COL27A1: variants seen among roughly 807,000 people sequenced by gnomAD.
COL27A1 encodes the protein collagen alpha-1(XXVII) chain.
In COL27A1, 106 loss-of-function variants were observed where a neutral mutation model predicts 251.3. The ratio of observed to expected loss-of-function variants is 0.42; its 90% CI spans 0.36 to 0.50. The LOEUF is 0.50. Among genes scored for constraint, COL27A1 ranks in the 20% least tolerant of loss-of-function variants. The pLI, the probability that COL27A1 is intolerant of heterozygous loss-of-function variation, is 0.00. For missense variants in COL27A1, 2,325 were observed against 2,522.8 expected (o/e 0.92, Z 1.68); for synonymous variants, 1,000 against 986.3 (o/e 1.01, Z -0.26).
intron 58 of COL27A1, among the ~76,000 whole-genome samples, 156 bp downstream of exon 58, chr9:114,306,844 C>T (rs988599792): frequency 6.6e-6 from 1 of 152,210 alleles, no homozygotes; most frequent in Admixed American, 6.5e-5. Context: ...CAGAGCCTCA[C>T]AATATACCAA....
intron 4 of COL27A1, among the ~76,000 whole-genome samples, chr9:114,182,072 C>T (rs573399510): frequency 1.3e-5 from 2 of 152,078 alleles, no homozygotes; most frequent in South Asian, 4.2e-4. Flanking sequence ...GCTGCCGTGG[C>T]TCACGCCTGT....
chr9:114,239,327 G>C (rs1168409970), intron 19 of COL27A1, among the ~76,000 whole-genome samples: 2 of 152,222 alleles, frequency 1.3e-5, no homozygotes, highest in Non-Finnish European at 2.9e-5. Context: ...AAATCATTTT[G>C]GATGCAGATT....
chr9:114,231,508 G>A (rs1295546856), intron 15 of COL27A1, among the ~76,000 whole-genome samples: 3 of 152,178 alleles, frequency 2.0e-5, no homozygotes, highest in Non-Finnish European at 4.4e-5. Flanking sequence ...GGCCAAGACT[G>A]CTAGAGCACA....
intron 5 of COL27A1, among the ~76,000 whole-genome samples, chr9:114,187,538 C>A (rs1338676619): frequency 6.6e-6 from 1 of 152,240 alleles, no homozygotes; most frequent in Non-Finnish European, 1.5e-5. Flanking sequence ...TAGTAAGTGG[C>A]AGAGCACGCA....
intron 3 of COL27A1, 59 bp downstream of exon 3, chr9:114,169,522 G>C: frequency 7.4e-7 from 1 of 1,353,042 alleles, no homozygotes; most frequent in South Asian, 1.4e-5. Context: ...TGGGGCATTG[G>C]TCAAGTGGTT....
rs1832331637 is a variant in COL27A1, at chr9:114,235,642, A to G, written c.2609A>G (p.Gln870Arg). Residue 870 changes from glutamine (Q) to arginine (R), a missense_variant, in exon 17 of 61, where the codon CAA (glutamine) becomes CGA (arginine). Gln to Arg is a conservative substitution (Grantham distance 43). Coordinates refer to ENST00000356083, the MANE Select transcript of COL27A1 (RefSeq NM_032888.4). Reference sequence around the variant, plus strand: ...GGTGTGTCAGGAGATCCCGGATTCCAAGGAGACAAGGTAATTGCATGAGAT... The same window carrying G: ...GGTGTGTCAGGAGATCCCGGATTCCGAGGAGACAAGGTAATTGCATGAGAT... ...VPGVSGDPGF[Q>R]GDKGSQGLPG... 6.8e-6 allele frequency: 11 copies of G among 1,613,130 alleles called. No homozygotes were observed. The East Asian group carries it at 2.5e-4, about 36-fold the overall frequency.
chr9:114,221,081 G>T (rs1377958242), intron 13 of COL27A1, among the ~76,000 whole-genome samples: 1 of 152,142 alleles, frequency 6.6e-6, no homozygotes, highest in African/African-American at 2.4e-5. Flanking sequence ...AGTGGGTGAG[G>T]CTGTGTAAAA....
At chr9:114,279,328 C>G (rs1835762967) in intron 37 of COL27A1, among the ~76,000 whole-genome samples, 1 of 152,344 alleles carries the variant, frequency 6.6e-6, no homozygotes, top group East Asian at 1.9e-4. Context: ...CCTCCAAACA[C>G]TGGCGAGAAT....
chr9:114,216,093 C>T (rs1174130421), intron 12 of COL27A1, among the ~76,000 whole-genome samples: 1 of 152,238 alleles, frequency 6.6e-6, no homozygotes. Flanking sequence ...AGGACCGTCC[C>T]TGTCCTCAGC....
intron 2 of COL27A1, 65 bp from the exon 3 acceptor site, chr9:114,167,624 G>A (rs999300997): frequency 7.2e-7 from 1 of 1,395,246 alleles, no homozygotes; most frequent in Non-Finnish European, 9.9e-7. Flanking sequence ...CCCTTAGGGG[G>A]TAGGGGGTGG....
chr9:114,258,403 C>A, intron 27 of COL27A1, 138 bp from the exon 28 acceptor site: 1 of 766,038 alleles, frequency 1.3e-6, no homozygotes, highest in Non-Finnish European at 2.1e-6. Context: ...CATGTGGAGG[C>A]TGCTGGGGCC....
intron 49 of COL27A1, among the ~76,000 whole-genome samples, chr9:114,295,715 T>A (rs543291471): frequency 5.3e-5 from 8 of 152,260 alleles, no homozygotes; most frequent in African/African-American, 1.9e-4. Flanking sequence ...TGGAGTGCAA[T>A]GGTGCAATCT....
intron 4 of COL27A1, 65 bp from the exon 5 acceptor site, chr9:114,182,957 G>A (rs376662434): frequency 1.4e-5 from 19 of 1,400,182 alleles, no homozygotes; most frequent in Non-Finnish European, 1.8e-5. Context: ...AGGCATTGCT[G>A]TCAGAGGCGA....
intron 2 of COL27A1, among the ~76,000 whole-genome samples, chr9:114,164,616 G>C (rs1287200364): frequency 6.6e-6 from 1 of 152,216 alleles, no homozygotes; most frequent in Non-Finnish European, 1.5e-5. Flanking sequence ...GCCCTCCGGG[G>C]GTTGTTGAGC....
rs368823650 is a variant in COL27A1, at chr9:114,258,590, G to T, written c.3191G>T (p.Arg1064Leu). ...CCAGGCATGAGGGGAGCAAAGGGAC[G>T]TCGGGTAAGTCGAGCCCAGCTCCTG... The part of the protein sequence containing the change: ...GPPGMRGAKG[R>L]RGPRGPDGPA... Residue 1064 changes from arginine (R) to leucine (L), a missense_variant, in exon 28 of 61, where the codon CGT becomes CTT. Transcript: ENST00000356083. 6.2e-7 allele frequency: 1 copy of T among 1,613,980 alleles called. No individual in the cohort carries two copies.
Position 114,300,671 on chromosome 9 carries a change from G to A in COL27A1, c.4685G>A (p.Gly1562Glu). The A allele has an allele frequency of 6.6e-7, 1 of 1,512,722 alleles. No homozygotes were observed. Among genetic ancestry groups the A allele is most frequent in the East Asian group, 2.4e-5 (1 of 41,070 alleles). The allele number at this position is 1,512,722 out of a possible 1,614,324, so 93.7% of individuals were successfully genotyped here. The change falls in exon 51 of 61, where the codon GGG becomes GAG. Residue 1562 changes from glycine (G) to glutamate (E), a missense_variant. By Grantham distance (98) the Gly-to-Glu change is moderately conservative (BLOSUM62 -2). This residue lies in a region of COL27A1 where 327 missense variants were observed against 442.8 expected (regional missense o/e 0.74). Coordinates refer to ENST00000356083, the MANE Select transcript of COL27A1 (RefSeq NM_032888.4). ...TTCAAAGGCATCCAGGGCCCTCGGGGGCCACCTGGCTTGATGGTGAGTTCC... is the reference window on the plus strand; with the variant it reads ...TTCAAAGGCATCCAGGGCCCTCGGGAGCCACCTGGCTTGATGGTGAGTTCC... ...IGFKGIQGPR[G>E]PPGLMGKEGI...
intron 27 of COL27A1, among the ~76,000 whole-genome samples, chr9:114,253,537 G>A (rs1260539907): frequency 6.6e-6 from 1 of 152,070 alleles, no homozygotes; most frequent in Non-Finnish European, 1.5e-5. Flanking sequence ...GAGAAGAGAA[G>A]AGGAGAAAAA....
chr9:114,226,066 G>A (rs1328492463), intron 14 of COL27A1, among the ~76,000 whole-genome samples: 3 of 151,898 alleles, frequency 2.0e-5, no homozygotes, highest in South Asian at 2.1e-4. Context: ...CCCTTTGGCA[G>A]GCCCTCAAGA....
intron 1 of COL27A1, among the ~76,000 whole-genome samples, chr9:114,158,124 A>C (rs890158656): frequency 2.6e-5 from 4 of 152,192 alleles, no homozygotes; most frequent in African/African-American, 9.7e-5. Flanking sequence ...CCATGGAGGC[A>C]GGTGGGACAG....
Sources: allele counts gnomAD v4.1 joint callset (sites outside exome capture counted in the v4.1 genomes callset), GRCh38; gene constraint gnomAD v4.1.1; regional missense constraint gnomAD v4.1.1; transcripts MANE v1.5; gene names NCBI Gene and HGNC (gene_info 2026-07-23, HGNC 2026-07-21).